Variants in ADAM10 observed in about 807,000 individuals in gnomAD.
ADAM10 encodes the protein disintegrin and metalloproteinase domain-containing protein 10.
In ADAM10, 17 loss-of-function variants were observed where a neutral mutation model predicts 90.1. That is an observed-to-expected ratio of 0.19 (90% CI 0.13 to 0.28). ADAM10 has a LOEUF of 0.28. Ranked by LOEUF, ADAM10 falls within the 10% of genes least tolerant of loss-of-function variation. The pLI is 1.00. For synonymous variants in ADAM10, 310 were observed against 298.6 expected (o/e 1.04, Z -0.40); for missense variants, 610 against 914.3 (o/e 0.67, Z 4.29).
chr15:58,666,498 C>G (rs1897085719), intron 4 of ADAM10, among the ~76,000 whole-genome samples: 1 of 151,906 alleles, frequency 6.6e-6, no homozygotes, highest in Admixed American at 6.6e-5. Flanking sequence ...CCAGGCAGTC[C>G]TTGCTTTGCC....
At chr15:58,715,924 T>C (rs1898644888) in intron 2 of ADAM10, among the ~76,000 whole-genome samples, 2 of 152,216 alleles carry the variant, frequency 1.3e-5, no homozygotes, top group Admixed American at 6.5e-5. Context: ...TAGATTAATA[T>C]AATTAATAAT....
At chr15:58,654,912 T>G (rs748232203) in intron 5 of ADAM10, among the ~76,000 whole-genome samples, 1 of 152,362 alleles carries the variant, frequency 6.6e-6, no homozygotes, top group East Asian at 1.9e-4. Flanking sequence ...CAACCAAACA[T>G]ATGGTCTATT....
intron 2 of ADAM10, among the ~76,000 whole-genome samples, chr15:58,683,621 G>C (rs1398594742): frequency 2.0e-5 from 3 of 152,038 alleles, no homozygotes; most frequent in Non-Finnish European, 4.4e-5. Flanking sequence ...CAGAACTTTG[G>C]GAGGCTGAGG....
intron 2 of ADAM10, among the ~76,000 whole-genome samples, chr15:58,695,888 G>T (rs933605294): frequency 2.0e-5 from 3 of 152,050 alleles, no homozygotes; most frequent in African/African-American, 2.4e-5. Context: ...AGGCCGAGGC[G>T]GGTGGATCAC....
At chr15:58,711,619 T>C (rs1210340704) in intron 2 of ADAM10, among the ~76,000 whole-genome samples, 1 of 152,154 alleles carries the variant, frequency 6.6e-6, no homozygotes, top group African/African-American at 2.4e-5. Context: ...AGCTACCAAC[T>C]CTATCAAAGA....
chr15:58,613,564 C>T (rs1895513676), intron 11 of ADAM10, among the ~76,000 whole-genome samples: 1 of 151,836 alleles, frequency 6.6e-6, no homozygotes, highest in Non-Finnish European at 1.5e-5. Flanking sequence ...ACTAGGAAAA[C>T]AATTCATATG....
At chr15:58,655,747 T>A (rs1896813543) in intron 5 of ADAM10, among the ~76,000 whole-genome samples, 3 of 93,944 alleles carry the variant, frequency 3.2e-5, no homozygotes, top group African/African-American at 1.1e-4. Context: ...ATATTCTTTT[T>A]TTTTTTTTTT....
At chr15:58,663,120 T>C (rs557962677) in intron 5 of ADAM10, among the ~76,000 whole-genome samples, 3 of 152,362 alleles carry the variant, frequency 2.0e-5, no homozygotes, top group East Asian at 3.9e-4. Flanking sequence ...TATCAGTTAC[T>C]CTATCACAGC....
rs746349800 is a variant in ADAM10 at position 58,691,676 on chromosome 15, C to CTTCTTTTTTTTTTT, written c.207-9363_207-9362insAAAAAAAAAAAGAA. 1.3e-5 allele frequency: 3 copies of CTTCTTTTTTTTTTT among 231,882 alleles called. No individual in the cohort carries two copies. In the African/African-American group the frequency reaches 1.3e-4, roughly 10 times the overall value. 14.4% of individuals were successfully genotyped at this position (231,882 alleles called of 1,614,324 possible). On this transcript the variant is annotated intron_variant, in intron 2 of 15. Coordinates refer to ENST00000260408, the MANE Select transcript of ADAM10 (RefSeq NM_001110.4). ...AGCTAAGCTCAAGCCACTTCTTCTT[C>CTTCTTTTTTTTTTT]TTTTTTTTTTTTTTTTTTTTTTTTT...
chr15:58,684,526 G>T (rs1168620592), intron 2 of ADAM10, among the ~76,000 whole-genome samples: 2 of 152,232 alleles, frequency 1.3e-5, no homozygotes, highest in African/African-American at 4.8e-5. Context: ...CTTGAACAAT[G>T]AGATCTGATC....
At chr15:58,647,504 T>A (rs1379222419) in intron 5 of ADAM10, among the ~76,000 whole-genome samples, 6 of 151,574 alleles carry the variant, frequency 4.0e-5, no homozygotes, top group Non-Finnish European at 7.4e-5. Context: ...GACCTCGTGA[T>A]CCGCCCGCCT....
intron 5 of ADAM10, among the ~76,000 whole-genome samples, chr15:58,658,010 T>C (rs560735828): frequency 8.5e-5 from 13 of 152,254 alleles, no homozygotes; most frequent in Non-Finnish European, 1.6e-4. Flanking sequence ...TTCTTAACTA[T>C]GTTTTTTGAG....
chr15:58,631,234 T>C (rs1896091722), intron 9 of ADAM10, among the ~76,000 whole-genome samples: 1 of 152,050 alleles, frequency 6.6e-6, no homozygotes, highest in South Asian at 2.1e-4. Flanking sequence ...TCTTTATAAA[T>C]TACCCACCCT....
intron 11 of ADAM10, among the ~76,000 whole-genome samples, chr15:58,618,914 A>G (rs1294379452): frequency 2.0e-5 from 3 of 152,206 alleles, no homozygotes; most frequent in Non-Finnish European, 4.4e-5. Context: ...GCTGGTGGGA[A>G]TATAAATTAG....
At chr15:58,638,246 G>T (rs1040790663) in intron 8 of ADAM10, among the ~76,000 whole-genome samples, 1 of 152,028 alleles carries the variant, frequency 6.6e-6, no homozygotes, top group Non-Finnish European at 1.5e-5. Context: ...AAAGCAGAGG[G>T]GGGGAAAATG....
intron 2 of ADAM10, chr15:58,698,333 A>G: frequency 2.3e-6 from 1 of 436,292 alleles, no homozygotes; most frequent in Non-Finnish European, 4.5e-6. Context: ...GCACTGTGGG[A>G]GGCTGAGGCA....
chr15:58,684,003 T>C (rs1471021852), intron 2 of ADAM10, among the ~76,000 whole-genome samples: 5 of 152,010 alleles, frequency 3.3e-5, no homozygotes, highest in East Asian at 3.9e-4. Context: ...TATTTGTATA[T>C]AACAAATGTA....
In ADAM10 at chr15:58,634,954, C is replaced by T. The variant is rs532723592; in HGVS notation, c.1013-1595G>A. On this transcript the variant is annotated intron_variant, in intron 8 of 15. Transcript: ENST00000260408. Reference sequence around the variant, plus strand: ...GGTCTGCAAGAACAGCATTATACTACGACTGTTGCCTTGCTCCCATTAAAT... The same window carrying T: ...GGTCTGCAAGAACAGCATTATACTATGACTGTTGCCTTGCTCCCATTAAAT... 5.9e-5 allele frequency among the ~76,000 whole-genome samples: 9 copies of T among 152,198 alleles called. No individual in the cohort carries two copies. In the South Asian group the frequency reaches 8.3e-4, roughly 14 times the overall value.
chr15:58,736,687 T>C lies in ADAM10; in HGVS notation c.55+12793A>G, dbSNP rs150293474. On this transcript the variant is annotated intron_variant, in intron 1 of 15. Transcript: ENST00000260408. ...ATTCAGGTGAAAGGCATACAAATAT[T>C]AACTACTAGCATACCTGCAATCTTT... is the stretch of plus-strand genomic sequence containing the variant. Among the ~76,000 whole-genome samples the C allele has an allele frequency of 1.2e-4, 19 of 152,214 alleles. No homozygotes were observed. In the East Asian group the frequency reaches 3.7e-3, roughly 29 times the overall value.
Sources: allele counts gnomAD v4.1 joint callset (sites outside exome capture counted in the v4.1 genomes callset), GRCh38; gene constraint gnomAD v4.1.1; transcripts MANE v1.5; gene names NCBI Gene and HGNC (gene_info 2026-07-23, HGNC 2026-07-21).